SRSF9: variants seen among roughly 807,000 people sequenced by gnomAD.
SRSF9 encodes serine and arginine rich splicing factor 9.
SRSF9 carries 3 observed loss-of-function variants against 25.9 expected under a neutral mutation model. The observed-to-expected ratio is 0.12, with a 90% CI of 0.05 to 0.30. The LOEUF (loss-of-function observed/expected upper bound fraction) is 0.30, where lower values mean the gene tolerates loss of function less well. Among genes scored for constraint, SRSF9 ranks in the 10% least tolerant of loss-of-function variants. The pLI is 1.00. For missense variants in SRSF9, 161 were observed against 303.5 expected, an observed-to-expected ratio of 0.53 and a Z score of 3.49; for synonymous variants, 114 against 113.2, an observed-to-expected ratio of 1.01 and a Z score of -0.05.
intron 1 of SRSF9, among the ~76,000 whole-genome samples, 179 bp downstream of exon 1, chr12:120,469,243 G>A (rs946612891): frequency 3.9e-4 from 59 of 152,270 alleles, no homozygotes; most frequent in Non-Finnish European, 7.2e-4. Context: ...GCGAAGGACG[G>A]CCCGGGCCTG....
chr12:120,469,348 T>C (rs1171986692), intron 1 of SRSF9, 74 bp downstream of exon 1: 2 of 904,818 alleles, frequency 2.2e-6, no homozygotes, highest in Non-Finnish European at 2.9e-6. Context: ...AGGGGAGCCC[T>C]GGGGGAGGGG....
At chr12:120,467,559 C>T (rs1003188860) in intron 1 of SRSF9, among the ~76,000 whole-genome samples, 1 of 152,100 alleles carries the variant, frequency 6.6e-6, no homozygotes, top group Non-Finnish European at 1.5e-5. Context: ...CTGCAAATTA[C>T]TAGTAGTCAT....
chr12:120,464,616 G>A (rs1277672082), intron 2 of SRSF9: 1 of 153,550 alleles, frequency 6.5e-6, no homozygotes. Flanking sequence ...TTTTCTTGTA[G>A]GTATGAATGA....
intron 2 of SRSF9, chr12:120,464,662 C>T (rs1372448894): frequency 1.3e-5 from 2 of 152,412 alleles, no homozygotes; most frequent in African/African-American, 4.8e-5. Context: ...AGATCACCAA[C>T]ATTCTTCAAT....
chr12:120,466,146 C>T (rs899660093), intron 1 of SRSF9, among the ~76,000 whole-genome samples: 2 of 152,126 alleles, frequency 1.3e-5, no homozygotes, highest in African/African-American at 2.4e-5. Flanking sequence ...AGCATTTTCT[C>T]GAAAAGCACA....
chr12:120,469,630 G>A lies in SRSF9; in HGVS notation c.-21C>T. Reference sequence around the variant, plus strand: ...GACATCCGCACCGCCCGACGCCGCGGGCCCGCCGCAGCCCACGTCGCCGCC... The same window carrying A: ...GACATCCGCACCGCCCGACGCCGCGAGCCCGCCGCAGCCCACGTCGCCGCC... On this transcript the variant is annotated 5_prime_UTR_variant, in exon 1 of 4. Transcript: ENST00000229390. The A allele has an allele frequency of 2.2e-6, 3 of 1,345,920 alleles. No individual in the cohort carries two copies. Among genetic ancestry groups the A allele is most frequent in the East Asian group, 3.2e-5 (1 of 31,424 alleles). 83.4% of individuals were successfully genotyped at this position (1,345,920 alleles called of 1,614,324 possible).
intron 3 of SRSF9, chr12:120,463,161 A>AGG (rs1369180965): frequency 6.6e-6 from 1 of 152,198 alleles, no homozygotes; most frequent in Non-Finnish European, 1.5e-5. Flanking sequence ...ATGGTACCAA[A>AGG]GGGATAGTCA....
At chr12:120,469,089 C>A (rs1878565508) in intron 1 of SRSF9, among the ~76,000 whole-genome samples, 1 of 152,120 alleles carries the variant, frequency 6.6e-6, no homozygotes, top group Admixed American at 6.5e-5. Flanking sequence ...CTTCCCCCTA[C>A]GGTGCTGCCC....
chr12:120,467,242 C>T (rs1417094621), intron 1 of SRSF9, among the ~76,000 whole-genome samples: 2 of 152,188 alleles, frequency 1.3e-5, no homozygotes, highest in Non-Finnish European at 2.9e-5. Flanking sequence ...GGCGCTGTGG[C>T]ACATGCCTGT....
chr12:120,463,911 AT>A lies in SRSF9; in HGVS notation c.522+38del, dbSNP rs774709001. On this transcript the variant is annotated intron_variant, in intron 3 of 3. Coordinates refer to ENST00000229390, the MANE Select transcript of SRSF9 (RefSeq NM_003769.3). ...TGCTAGGTCAGGTTCAAGTGGAGTG[AT>A]TTGAGTACAAGCTCCTCAACAGAAG... is the stretch of plus-strand genomic sequence containing the variant. 2.6e-4 allele frequency: 404 copies of A among 1,568,314 alleles called. No homozygotes were observed. In the Middle Eastern group the frequency reaches 3.8e-3, roughly 15 times the overall value.
intron 1 of SRSF9, among the ~76,000 whole-genome samples, chr12:120,468,551 G>A (rs1878541796): frequency 6.6e-6 from 1 of 152,184 alleles, no homozygotes; most frequent in Admixed American, 6.5e-5. Context: ...TCCACCCCAG[G>A]TAGGTCGGAC....
At chr12:120,468,383 G>A (rs1236011643) in intron 1 of SRSF9, among the ~76,000 whole-genome samples, 1 of 152,214 alleles carries the variant, frequency 6.6e-6, no homozygotes, top group Non-Finnish European at 1.5e-5. Context: ...GCGAGGCATA[G>A]CCTTCTCCGG....
Position 120,461,859 on chromosome 12 carries a change from A to C in SRSF9, c.*160T>G. On this transcript the variant is annotated 3_prime_UTR_variant, in exon 4 of 4. Coordinates refer to ENST00000229390, the MANE Select transcript of SRSF9 (RefSeq NM_003769.3). ...TGCAGTTTAAAATGTTTCACTGCTA[A>C]TATGGCCCTGGTAGAAATTATGTAG... 1.4e-6 allele frequency: 1 copy of C among 728,094 alleles called. No individual in the cohort carries two copies. The highest frequency in any genetic ancestry group is 3.2e-5 in the South Asian group (1 of 31,198). 45.1% of individuals were successfully genotyped at this position (728,094 alleles called of 1,614,324 possible).
chr12:120,467,584 TTA>T (rs1878510112), intron 1 of SRSF9, among the ~76,000 whole-genome samples: 2 of 152,154 alleles, frequency 1.3e-5, no homozygotes, highest in African/African-American at 4.8e-5. Context: ...GGGTAAGTGT[TTA>T]ATCAAGTTTT....
intron 1 of SRSF9, 150 bp from the exon 2 acceptor site, chr12:120,465,937 T>C: frequency 1.4e-6 from 1 of 736,156 alleles, no homozygotes; most frequent in Non-Finnish European, 2.1e-6. Flanking sequence ...CCTGAAGCAC[T>C]TCTGCTTTGG....
chr12:120,465,555 C>A (rs746396184), intron 2 of SRSF9, 72 bp downstream of exon 2: 2 of 1,476,816 alleles, frequency 1.4e-6, no homozygotes, highest in Non-Finnish European at 1.8e-6. Context: ...TAACAGCTAT[C>A]ATTTCTTGGA....
At chr12:120,465,428 C>A in intron 2 of SRSF9, 199 bp downstream of exon 2, 2 of 471,562 alleles carry the variant, frequency 4.2e-6, no homozygotes, top group South Asian at 5.5e-5. Context: ...TATGTTCTTC[C>A]AAGGCTGCAC....
At chr12:120,469,205 TAATAAA>T (rs2137053222) in intron 1 of SRSF9, among the ~76,000 whole-genome samples, 1 of 151,806 alleles carries the variant, frequency 6.6e-6, no homozygotes, top group South Asian at 2.1e-4. Context: ...AATATTGGAA[TAATAAA>T]AATAAAGGAA....
chr12:120,465,861 G>A lies in SRSF9; in HGVS notation c.189-74C>T, dbSNP rs1592992097. 6.4e-6 allele frequency: 9 copies of A among 1,409,632 alleles called. No individual in the cohort carries two copies. The African/African-American group carries it at 7.3e-5, about 11-fold the overall frequency. The allele number at this position is 1,409,632 out of a possible 1,614,324, so 87.3% of individuals were successfully genotyped here. On this transcript the variant is annotated intron_variant, in intron 1 of 3. Coordinates refer to ENST00000229390, the MANE Select transcript of SRSF9 (RefSeq NM_003769.3). ...CAGGAGGCCAAGTGACTTTCCAAGT[G>A]AGGGGCATGAGTAGTAAGCATAAAA...
Sources: allele counts gnomAD v4.1 joint callset (sites outside exome capture counted in the v4.1 genomes callset), GRCh38; gene constraint gnomAD v4.1.1; transcripts MANE v1.5; gene names NCBI Gene and HGNC (gene_info 2026-07-23, HGNC 2026-07-21).